Variants in BYSL observed in about 807,000 individuals in gnomAD.
The protein encoded by BYSL is bystin.
A neutral mutation model predicts 45.4 loss-of-function variants in BYSL; 21 were observed. The ratio of observed to expected loss-of-function variants is 0.46; its 90% CI spans 0.33 to 0.67. BYSL has a LOEUF of 0.67. Ranked by LOEUF, BYSL falls within the 30% of genes least tolerant of loss-of-function variation. BYSL has a pLI of 0.02. For synonymous variants in BYSL, 215 were observed against 231.3 expected (o/e 0.93, Z 0.64); for missense variants, 522 against 578.5 (o/e 0.90, Z 1.00).
chr6:41,920,002 G>A (rs1220297038), upstream of BYSL, among the ~76,000 whole-genome samples: 1 of 152,114 alleles, frequency 6.6e-6, no homozygotes, highest in Non-Finnish European at 1.5e-5. Context: ...AAATATCCTG[G>A]CCTCCGGATT....
intron 6 of BYSL, 88 bp downstream of exon 6, chr6:41,931,918 G>A: frequency 7.8e-7 from 1 of 1,283,746 alleles, no homozygotes. Flanking sequence ...GAGTGGAGAA[G>A]GAGCTAAGGA....
At chr6:41,916,990 C>A, upstream of BYSL, 2 of 1,601,102 alleles carry the variant, frequency 1.2e-6, no homozygotes, top group South Asian at 2.2e-5. Flanking sequence ...CACGTGTGCT[C>A]ACTGAGCCAT....
At chr6:41,921,888 C>A in intron 1 of BYSL, 58 bp downstream of exon 1, 1 of 1,537,688 alleles carries the variant, frequency 6.5e-7, no homozygotes, top group Non-Finnish European at 8.7e-7. Context: ...GCGGGGTGGG[C>A]AGCTAAAAAG....
chr6:41,921,377 A>G (rs1775462813), upstream of BYSL: 2 of 762,450 alleles, frequency 2.6e-6, no homozygotes, highest in African/African-American at 1.8e-5. Flanking sequence ...TCGGGAGTCC[A>G]GCTCCGGAAC....
At chr6:41,920,952 T>G (rs1279502820), upstream of BYSL, 1 of 1,592,670 alleles carries the variant, frequency 6.3e-7, no homozygotes, top group Non-Finnish European at 8.6e-7. Context: ...AGGTCCTCTT[T>G]CCGGCCTTTC....
chr6:41,909,731 C>T, the BYSL span, among the ~76,000 whole-genome samples: 32 of 152,282 alleles, frequency 2.1e-4, no homozygotes, highest in African/African-American at 7.0e-4. Context: ...TGGTAAAACC[C>T]ACCCTGCTCT....
In BYSL at chr6:41,932,908, C is replaced by G. The variant is rs1775661507; in HGVS notation, c.*202C>G. On this transcript the variant is annotated 3_prime_UTR_variant, in exon 7 of 7. Coordinates refer to ENST00000230340, the MANE Select transcript of BYSL (RefSeq NM_004053.4). This position sits in a 1 kb window ranked among gnomAD's most constrained non-coding sequence, Gnocchi z 4.7. The stretch of plus-strand genomic sequence containing the variant: ...CCCTCTTCCATTCTAGGCCCTTATC[C>G]CTGTTTAGTTCTGAGAGCCAACTTG... 1 of 609,636 alleles carries G rather than the reference C, an allele frequency of 1.6e-6. No homozygotes were observed. The highest frequency in any genetic ancestry group is 1.9e-5 in the African/African-American group (1 of 53,964). 37.8% of individuals were successfully genotyped at this position (609,636 alleles called of 1,614,324 possible).
At chr6:41,930,801 T>TTA in intron 4 of BYSL, 33 bp downstream of exon 4, 1 of 1,598,520 alleles carries the variant, frequency 6.3e-7, no homozygotes, top group Non-Finnish European at 8.5e-7. Flanking sequence ...GGCCTTGGGT[T>TTA]TATAGGTGCA....
chr6:41,921,097 T>TC, upstream of BYSL: 1 of 1,570,142 alleles, frequency 6.4e-7, no homozygotes, highest in Non-Finnish European at 8.7e-7. Flanking sequence ...CTCCTTCAGT[T>TC]CCCCAACACA....
chr6:41,915,869 A>C, the BYSL span, among the ~76,000 whole-genome samples: 1 of 152,156 alleles, frequency 6.6e-6, no homozygotes. Flanking sequence ...TTTTGGTGAT[A>C]GTATCATAGG....
chr6:41,925,634 A>T (rs1775553321), intron 1 of BYSL, among the ~76,000 whole-genome samples: 1 of 151,898 alleles, frequency 6.6e-6, no homozygotes, highest in African/African-American at 2.4e-5. Flanking sequence ...AAGTGCTGGG[A>T]TTACAGGCGT....
chr6:41,929,217 A>G (rs1327663720), intron 2 of BYSL, among the ~76,000 whole-genome samples: 2 of 152,164 alleles, frequency 1.3e-5, no homozygotes, highest in Non-Finnish European at 2.9e-5. Context: ...GCAGCTTTAA[A>G]TACATTTCAG....
chr6:41,930,894 T>C, intron 4 of BYSL, 126 bp downstream of exon 4: 2 of 1,292,610 alleles, frequency 1.5e-6, no homozygotes, highest in South Asian at 3.2e-5. Context: ...TCTGTGCTAC[T>C]TTATAGCATC....
In BYSL at chr6:41,932,232, C is replaced by T. The variant is rs1775650889; in HGVS notation, c.969-129C>T. ...AATATGATTGTGTAGGTGAGAAGGT[C>T]CCTGGGGAATACCATAGTGTAAGGG... On this transcript the variant is annotated intron_variant, in intron 6 of 6. Transcript: ENST00000230340. The surrounding 1 kb of genome is among the most constrained non-coding windows in gnomAD (Gnocchi z 4.7). 1.1e-6 allele frequency: 1 copy of T among 873,226 alleles called. No homozygotes were observed. Among genetic ancestry groups the T allele is most frequent in the Non-Finnish European group, 1.8e-6 (1 of 554,944 alleles). The allele number at this position is 873,226 out of a possible 1,614,324, so 54.1% of individuals were successfully genotyped here.
chr6:41,930,204 G>A lies in BYSL; in HGVS notation c.504G>A (p.Glu168=). The A allele has an allele frequency of 6.2e-7, 1 of 1,614,214 alleles. No individual in the cohort carries two copies. Among genetic ancestry groups the A allele is most frequent in the African/African-American group, 1.3e-5 (1 of 75,050 alleles). ...KQTEVETVMS[E]VSGFPMPQLD... The stretch of plus-strand genomic sequence containing the variant: ...CAGAGGTTGAGACAGTCATGTCAGA[G>A]GTGTCGGGCTTCCCTATGCCCCAGC... Residue 168 remains glutamate, a synonymous_variant, in exon 3 of 7, where the codon GAG becomes GAA. Coordinates refer to ENST00000230340, the MANE Select transcript of BYSL (RefSeq NM_004053.4).
At chr6:41,918,181 T>G (rs547060198), upstream of BYSL, among the ~76,000 whole-genome samples, 2 of 152,278 alleles carry the variant, frequency 1.3e-5, no homozygotes, top group Admixed American at 1.3e-4. Flanking sequence ...GATAGTCCTA[T>G]GAAGGTGTGT....
chr6:41,931,524 A>AGGCC lies in BYSL; in HGVS notation c.834_837dup (p.Leu280GlyfsTer32). 1 of 1,614,226 alleles carries AGGCC rather than the reference A, an allele frequency of 6.2e-7. No homozygotes were observed. The highest frequency in any genetic ancestry group is 8.5e-7 in the Non-Finnish European group (1 of 1,180,048). On this transcript the variant is annotated frameshift_variant, in exon 5 of 7. Transcript: ENST00000230340. LOFTEE classifies it high-confidence loss of function. ...TTCCATCTCTACATGGCTCTCAAGA[A>AGGCC]GGCCCTTTTCAAACCTGGAGCCTGG...
intron 4 of BYSL, 97 bp from the exon 5 acceptor site, chr6:41,931,299 T>C: frequency 2.1e-6 from 3 of 1,432,174 alleles, no homozygotes; most frequent in Non-Finnish European, 2.9e-6. Flanking sequence ...ATATTTTACT[T>C]TAAAACCTCT....
At chr6:41,930,493 G>T in intron 3 of BYSL, 142 bp from the exon 4 acceptor site, 1 of 1,273,318 alleles carries the variant, frequency 7.9e-7, no homozygotes, top group South Asian at 1.5e-5. Context: ...TCTGTAAAAT[G>T]AGCATAATAA....
Sources: gnomAD v4.1 joint callset for allele counts (sites outside exome capture counted in the v4.1 genomes callset) on GRCh38, gnomAD v4.1.1 for gene constraint, Gnocchi (gnomAD v3.1) non-coding constraint, MANE v1.5 for transcripts, NCBI Gene and HGNC (gene_info 2026-07-23, HGNC 2026-07-21) for gene names.